ANO6: variants seen among roughly 807,000 people sequenced by gnomAD.
ANO6 encodes the protein anoctamin 6.
In ANO6, 106 loss-of-function variants were observed where a neutral mutation model predicts 117.5. The observed-to-expected ratio is 0.90, with a 90% CI of 0.77 to 1.06. The LOEUF (loss-of-function observed/expected upper bound fraction) is 1.06, where lower values mean the gene tolerates loss of function less well. Ranked by LOEUF, ANO6 falls within the 50% of genes least tolerant of loss-of-function variation. The pLI is 0.00. For missense variants in ANO6, 955 were observed against 1,121.1 expected (o/e 0.85, Z 2.12); for synonymous variants, 367 against 385.1 (o/e 0.95, Z 0.55).
intron 2 of ANO6, among the ~76,000 whole-genome samples, chr12:45,316,367 T>G (rs1260492715): frequency 1.3e-5 from 2 of 152,038 alleles, no homozygotes; most frequent in Non-Finnish European, 2.9e-5. Context: ...TGTGAGCATA[T>G]AAGGAGTAAA....
At chr12:45,263,077 T>G (rs1022469168) in intron 1 of ANO6, among the ~76,000 whole-genome samples, 1 of 144,322 alleles carries the variant, frequency 6.9e-6, no homozygotes, top group Non-Finnish European at 1.5e-5. Flanking sequence ...ATGCATCAGA[T>G]TTTTTTGCTG....
chr12:45,409,163 A>C (rs1943021313), intron 15 of ANO6, among the ~76,000 whole-genome samples, 194 bp from the exon 16 acceptor site: 1 of 152,230 alleles, frequency 6.6e-6, no homozygotes, highest in South Asian at 2.1e-4. Flanking sequence ...CAGCTTTGGT[A>C]AACCCTGGTG....
intron 1 of ANO6, among the ~76,000 whole-genome samples, chr12:45,260,134 A>T (rs192634052): frequency 2.0e-5 from 3 of 152,336 alleles, no homozygotes; most frequent in East Asian, 3.9e-4. Flanking sequence ...AAAGCCGAGC[A>T]CTTAGCGCTG....
chr12:45,241,008 G>A (rs1947734479), intron 1 of ANO6, among the ~76,000 whole-genome samples: 1 of 152,148 alleles, frequency 6.6e-6, no homozygotes, highest in African/African-American at 2.4e-5. Context: ...CAACCTTGGT[G>A]AATCTGACAA....
At chr12:45,248,249 C>CA (rs1947853482) in intron 1 of ANO6, among the ~76,000 whole-genome samples, 1 of 152,090 alleles carries the variant, frequency 6.6e-6, no homozygotes, top group African/African-American at 2.4e-5. Context: ...TTACAAGAGT[C>CA]ATATAAAACC....
intron 1 of ANO6, among the ~76,000 whole-genome samples, chr12:45,280,450 A>T (rs1321020487): frequency 1.3e-5 from 2 of 152,170 alleles, no homozygotes; most frequent in Non-Finnish European, 2.9e-5. Flanking sequence ...ACCCCTCACC[A>T]ATTACTAGCA....
intron 1 of ANO6, among the ~76,000 whole-genome samples, chr12:45,273,514 G>A (rs755667416): frequency 3.3e-5 from 5 of 152,182 alleles, no homozygotes; most frequent in Non-Finnish European, 5.9e-5. Flanking sequence ...CCTACTAGCT[G>A]TGTGATTTTG....
chr12:45,226,018 T>C (rs917641751), intron 1 of ANO6, among the ~76,000 whole-genome samples: 5 of 152,238 alleles, frequency 3.3e-5, no homozygotes, highest in African/African-American at 1.2e-4. Context: ...TTTAGTTTTG[T>C]ATTTTGGTCA....
chr12:45,292,791 C>A lies in ANO6; in HGVS notation c.71-9223C>A, dbSNP rs896916987. 4.1e-6 allele frequency: 6 copies of A among 1,479,890 alleles called. No homozygotes were observed. In the African/African-American group the frequency reaches 8.5e-5, roughly 21 times the overall value. 91.7% of individuals were successfully genotyped at this position (1,479,890 alleles called of 1,614,324 possible). On this transcript the variant is annotated intron_variant, in intron 1 of 19. Transcript: ENST00000320560. Reference sequence around the variant, plus strand: ...TGGAGAAATTGTGCTTACTGAAACTCTTCTCAGAAATATTGCTGTTTGTGG... The same window carrying A: ...TGGAGAAATTGTGCTTACTGAAACTATTCTCAGAAATATTGCTGTTTGTGG...
At chr12:45,331,491 G>T in intron 3 of ANO6, 68 bp downstream of exon 3, 1 of 1,375,364 alleles carries the variant, frequency 7.3e-7, no homozygotes, top group East Asian at 2.5e-5. Context: ...CTGCTATTTT[G>T]TATAAGTAAT....
At chr12:45,376,903 G>T (rs1438917171) in intron 9 of ANO6, among the ~76,000 whole-genome samples, 1 of 151,718 alleles carries the variant, frequency 6.6e-6, no homozygotes, top group Non-Finnish European at 1.5e-5. Context: ...AAGAATGATT[G>T]GATGACAGAC....
intron 12 of ANO6, among the ~76,000 whole-genome samples, chr12:45,393,526 C>T (rs991407017): frequency 2.0e-5 from 3 of 151,960 alleles, no homozygotes; most frequent in African/African-American, 2.4e-5. Flanking sequence ...GAAGAGCAAC[C>T]CCAAGACACA....
At chr12:45,226,540 C>T (rs901994960) in intron 1 of ANO6, among the ~76,000 whole-genome samples, 1 of 152,002 alleles carries the variant, frequency 6.6e-6, no homozygotes, top group Non-Finnish European at 1.5e-5. Flanking sequence ...TTACAGAGTA[C>T]AATTATGCAA....
Position 45,401,525 on chromosome 12 carries a change from AAT to A in ANO6, c.1387-268_1387-267del, listed in dbSNP as rs568743041. 2.4e-4 allele frequency among the ~76,000 whole-genome samples: 37 copies of A among 152,296 alleles called. No individual in the cohort carries two copies. The South Asian group carries it at 7.1e-3, about 29-fold the overall frequency. On this transcript the variant is annotated intron_variant, in intron 12 of 19. Coordinates refer to ENST00000320560, the MANE Select transcript of ANO6 (RefSeq NM_001025356.3). ...AGGTTTACAGAAAAATTGCACATAA[AAT>A]AGTTTCCAGTTCCTTCCCACCACCC...
intron 15 of ANO6, among the ~76,000 whole-genome samples, chr12:45,407,827 C>T (rs1031545375): frequency 6.6e-6 from 1 of 152,096 alleles, no homozygotes; most frequent in Non-Finnish European, 1.5e-5. Flanking sequence ...TTTATCACCC[C>T]GTTTTATTTT....
chr12:45,271,153 A>G (rs1442962039), intron 1 of ANO6, among the ~76,000 whole-genome samples: 6 of 152,240 alleles, frequency 3.9e-5, no homozygotes, highest in Non-Finnish European at 2.9e-5. Flanking sequence ...TATTTTGATG[A>G]CAAAATAATG....
intron 3 of ANO6, among the ~76,000 whole-genome samples, chr12:45,345,574 G>A (rs987345731): frequency 2.6e-5 from 4 of 152,188 alleles, no homozygotes; most frequent in African/African-American, 9.7e-5. Context: ...CTTGCCCCAA[G>A]TTACCTTTTG....
At chr12:45,296,049 T>C (rs10880767) in intron 1 of ANO6, among the ~76,000 whole-genome samples, 141,617 of 151,910 alleles carry the variant, frequency 0.93, 66,828 homozygotes, top group East Asian at 1. Context: ...TTAGTAGAGA[T>C]GGGGTTTCAC....
chr12:45,435,637 T>G (rs1943698933), downstream of ANO6, among the ~76,000 whole-genome samples: 1 of 152,084 alleles, frequency 6.6e-6, no homozygotes, highest in Non-Finnish European at 1.5e-5. Flanking sequence ...CTTAAGAATA[T>G]AGTTGGCATC....
Sources: gnomAD v4.1 joint callset for allele counts (sites outside exome capture counted in the v4.1 genomes callset) on GRCh38, gnomAD v4.1.1 for gene constraint, MANE v1.5 for transcripts, NCBI Gene and HGNC (gene_info 2026-07-23, HGNC 2026-07-21) for gene names.